GRAMD4: variants seen among roughly 807,000 people sequenced by gnomAD.
The protein encoded by GRAMD4 is GRAM domain containing 4.
GRAMD4 carries 25 observed loss-of-function variants against 83.9 expected under a neutral mutation model. The ratio of observed to expected loss-of-function variants is 0.30; its 90% CI spans 0.22 to 0.42. The LOEUF (loss-of-function observed/expected upper bound fraction) is 0.42. GRAMD4 is among the 10% of genes least tolerant of loss of function. The pLI is 1.00. For missense variants in GRAMD4, 593 were observed against 788.7 expected (o/e 0.75, Z 2.97); for synonymous variants, 336 against 320.9 (o/e 1.05, Z -0.50).
At chr22:46,613,493 C>G (rs905621860) in intron 1 of GRAMD4, among the ~76,000 whole-genome samples, 5 of 152,256 alleles carry the variant, frequency 3.3e-5, no homozygotes, top group Admixed American at 1.3e-4. Context: ...CCTGTGTCCC[C>G]GAGCTGCTGT....
At chr22:46,579,064 C>T (rs996178870) in intron 1 of GRAMD4, among the ~76,000 whole-genome samples, 4 of 152,224 alleles carry the variant, frequency 2.6e-5, no homozygotes, top group African/African-American at 9.6e-5. Flanking sequence ...AGCCTGGGGG[C>T]AGGCGGGGCC....
At chr22:46,619,462 C>T (rs1034879065), upstream of GRAMD4, among the ~76,000 whole-genome samples, 1 of 152,208 alleles carries the variant, frequency 6.6e-6, no homozygotes, top group Non-Finnish European at 1.5e-5. Context: ...CCTCAACCTT[C>T]TGAGCAACTG....
At chr22:46,662,956 C>G (rs2082350387) in intron 5 of GRAMD4, 84 bp from the exon 6 acceptor site, 2 of 1,363,744 alleles carry the variant, frequency 1.5e-6, no homozygotes, top group Non-Finnish European at 2.0e-6. Flanking sequence ...AGTGAGGCCC[C>G]TCCCTGCCCT....
At chr22:46,596,561 C>T (rs1297145759) in intron 1 of GRAMD4, among the ~76,000 whole-genome samples, 4 of 152,214 alleles carry the variant, frequency 2.6e-5, no homozygotes, top group South Asian at 4.2e-4. Context: ...TTTTCTGAGA[C>T]GGAGTCTCAT....
At chr22:46,641,881 G>A (rs1442309421) in intron 3 of GRAMD4, among the ~76,000 whole-genome samples, 5 of 152,344 alleles carry the variant, frequency 3.3e-5, no homozygotes, top group South Asian at 2.1e-4. Context: ...GTTTGGCTCC[G>A]CCAAGGAGTA....
chr22:46,584,465 G>A (rs2081128552), intron 1 of GRAMD4, among the ~76,000 whole-genome samples: 1 of 152,152 alleles, frequency 6.6e-6, no homozygotes, highest in African/African-American at 2.4e-5. Flanking sequence ...TTCCTGCATG[G>A]ATCTTTCTCG....
In GRAMD4 at chr22:46,652,074, C is replaced by T. The variant is rs562890218; in HGVS notation, c.284-6113C>T. On this transcript the variant is annotated intron_variant, in intron 3 of 18. Coordinates refer to ENST00000406902, the MANE Select transcript of GRAMD4 (RefSeq NM_015124.5). ...CGAGGGAGAGTGTGGTTGGCACACT[C>T]ATGGCCCCACAGAGTGTCCATGTCC... Among the ~76,000 whole-genome samples the T allele has an allele frequency of 9.2e-5, 14 of 152,300 alleles. No homozygotes were observed. In the East Asian group the frequency reaches 2.7e-3, roughly 29 times the overall value.
Position 46,679,508 on chromosome 22 carries a change from CCA to C in GRAMD4, c.*2258_*2259del. 1.0e-6 allele frequency: 1 copy of C among 985,542 alleles called. No homozygotes were observed. The highest frequency in any genetic ancestry group is 4.7e-5 in the South Asian group (1 of 21,284). 61.0% of individuals were successfully genotyped at this position (985,542 alleles called of 1,614,324 possible). On this transcript the variant is annotated 3_prime_UTR_variant, in exon 19 of 19. Transcript: ENST00000406902. ...CCGTGGAGAGAAGCTGTAGTTTTTACCAAATTGTGTACATCTGGGCAGATGTT... is the reference window on the plus strand; with the variant it reads ...CCGTGGAGAGAAGCTGTAGTTTTTACAATTGTGTACATCTGGGCAGATGTT...
At chr22:46,649,527 T>G (rs1479457479) in intron 3 of GRAMD4, among the ~76,000 whole-genome samples, 1 of 152,098 alleles carries the variant, frequency 6.6e-6, no homozygotes, top group Non-Finnish European at 1.5e-5. Flanking sequence ...TTATTTGACG[T>G]GGTAAAAATG....
At chr22:46,605,942 G>T in intron 1 of GRAMD4, among the ~76,000 whole-genome samples, 1 of 141,780 alleles carries the variant, frequency 7.1e-6, no homozygotes, top group South Asian at 2.4e-4. Context: ...GAGCATGTCT[G>T]CATGGGCTTA....
chr22:46,636,670 G>A (rs1476812258), intron 2 of GRAMD4, among the ~76,000 whole-genome samples: 1 of 152,228 alleles, frequency 6.6e-6, no homozygotes, highest in African/African-American at 2.4e-5. Context: ...TCCTGTGGTG[G>A]GACACTCACT....
Position 46,603,513 on chromosome 22 carries a change from C to CTTTTTTTTTTTTTTTTTTTTT in GRAMD4, c.-49-23237_-49-23236insTTTTTTTTTTTTTTTTTTTTT. Among the ~76,000 whole-genome samples the CTTTTTTTTTTTTTTTTTTTTT allele has an allele frequency of 1.9e-5, 2 of 105,978 alleles. 1 individual carries two copies. 69.5% of individuals were successfully genotyped at this position (105,978 alleles called of 152,430 possible). A position where few individuals can be genotyped will look rare whatever the true frequency, so the allele number is the denominator to read the frequency against. ...CATGAGCCACCGCGCCCGGCCTCTTCTCTTTTTTTTTTTTTTTTTTTGAGA... is the reference window on the plus strand; with the variant it reads ...CATGAGCCACCGCGCCCGGCCTCTTCTTTTTTTTTTTTTTTTTTTTTTCTTTTTTTTTTTTTTTTTTTGAGA... On this transcript the variant is annotated intron_variant, in intron 1 of 1. Transcript: ENST00000431155.
chr22:46,627,149 G>T (rs1271261149), intron 2 of GRAMD4, among the ~76,000 whole-genome samples, 188 bp downstream of exon 2: 1 of 152,196 alleles, frequency 6.6e-6, no homozygotes, highest in Non-Finnish European at 1.5e-5. Context: ...CTGCCACGCC[G>T]AGCCTTCTGT....
chr22:46,646,103 G>A (rs2147266328), intron 3 of GRAMD4, among the ~76,000 whole-genome samples: 1 of 152,336 alleles, frequency 6.6e-6, no homozygotes, highest in East Asian at 1.9e-4. Context: ...TTCTTCCTGT[G>A]TTGCTGGAGA....
In GRAMD4 at chr22:46,677,983, G is replaced by A. The variant is rs1481367393; in HGVS notation, c.*732G>A. 3 of 985,602 alleles carry A rather than the reference G, an allele frequency of 3.0e-6. No individual in the cohort carries two copies. The highest frequency in any genetic ancestry group is 4.7e-5 in the South Asian group (1 of 21,298). The allele number at this position is 985,602 out of a possible 1,614,324, so 61.1% of individuals were successfully genotyped here. On this transcript the variant is annotated 3_prime_UTR_variant, in exon 19 of 19. Coordinates refer to ENST00000406902, the MANE Select transcript of GRAMD4 (RefSeq NM_015124.5). ...GCACCGCGTCTGTAAGGGCCTGCCT[G>A]CTGCTCTCGGCCTGACACGCCGGCC...
At chr22:46,608,798 C>G (rs1208965515) in intron 1 of GRAMD4, among the ~76,000 whole-genome samples, 1 of 152,170 alleles carries the variant, frequency 6.6e-6, no homozygotes, top group Non-Finnish European at 1.5e-5. Flanking sequence ...GGCTTGAAAT[C>G]AGGAGTTTGA....
At chr22:46,609,755 C>T (rs945382794) in intron 1 of GRAMD4, among the ~76,000 whole-genome samples, 4 of 152,192 alleles carry the variant, frequency 2.6e-5, no homozygotes, top group African/African-American at 9.6e-5. Context: ...AGCATCCCAC[C>T]GGGGAGGGCC....
intron 3 of GRAMD4, among the ~76,000 whole-genome samples, chr22:46,649,688 T>C (rs1241803730): frequency 6.6e-6 from 1 of 152,204 alleles, no homozygotes; most frequent in Non-Finnish European, 1.5e-5. Flanking sequence ...GCCAAGACAG[T>C]GTTGACAGTT....
chr22:46,577,680 C>T (rs2081057261), intron 1 of GRAMD4, among the ~76,000 whole-genome samples: 1 of 152,132 alleles, frequency 6.6e-6, no homozygotes, highest in African/African-American at 2.4e-5. Context: ...CCTGCCGATC[C>T]ACTCCCGGGT....
Sources: gnomAD v4.1 joint callset for allele counts (sites outside exome capture counted in the v4.1 genomes callset) on GRCh38, gnomAD v4.1.1 for gene constraint, MANE v1.5 for transcripts, NCBI Gene and HGNC (gene_info 2026-07-23, HGNC 2026-07-21) for gene names.